MPRIP: variants seen among roughly 807,000 people sequenced by gnomAD.
MPRIP encodes the protein myosin phosphatase Rho interacting protein.
Under a neutral mutation model 234.9 loss-of-function variants are expected in MPRIP, and 59 were observed. The observed-to-expected ratio is 0.25, with a 90% confidence interval of 0.20 to 0.31. The LOEUF (loss-of-function observed/expected upper bound fraction) is 0.31, where lower values mean the gene tolerates loss of function less well. MPRIP is among the 10% of genes least tolerant of loss of function. The pLI is 1.00. For missense variants in MPRIP, 2,436 were observed against 3,071.0 expected, an observed-to-expected ratio of 0.79 and a Z score of 4.89; for synonymous variants, 1,144 against 1,263.9, an observed-to-expected ratio of 0.91 and a Z score of 2.01.
chr17:17,146,017 T>C lies in MPRIP; in HGVS notation c.1504-19T>C, dbSNP rs374708258. On this transcript the variant is annotated intron_variant, in intron 9 of 23. Coordinates refer to ENST00000651222, the MANE Select transcript of MPRIP (RefSeq NM_001364716.4). ...TAGAAGAGTTTCCTCTGAGCTGTTC[T>C]TTTTTCTCCCTTTCTCAGCCCGACC... 1 of 1,613,226 alleles carries C rather than the reference T, an allele frequency of 6.2e-7. No homozygotes were observed.
chr17:17,158,912 G>A lies in MPRIP; in HGVS notation c.2310G>A (p.Lys770=). The stretch of plus-strand genomic sequence containing the variant: ...AGACCACACCTCTCCGGGAAGAGAA[G>A]CAGGTGCCCATCGCCCCCGTCCACC... The part of the protein sequence containing the change: ...QVETTPLREE[K]QVPIAPVHLS... The change falls in exon 14 of 24, where the codon AAG becomes AAA. Residue 770 remains lysine, a synonymous_variant. Coordinates refer to ENST00000651222, the MANE Select transcript of MPRIP (RefSeq NM_001364716.4). The A allele has an allele frequency of 1.2e-6, 2 of 1,612,632 alleles. No homozygotes were observed. The highest frequency in any genetic ancestry group is 1.3e-5 in the African/African-American group (1 of 75,056).
chr17:17,073,297 G>A (rs1309705318), intron 1 of MPRIP, among the ~76,000 whole-genome samples: 1 of 152,166 alleles, frequency 6.6e-6, no homozygotes, highest in East Asian at 1.9e-4. Context: ...GGAAGTCACA[G>A]CCAAGCAAAG....
chr17:17,165,542 T>C lies in MPRIP; in HGVS notation c.3951T>C (p.Val1317=). The change falls in exon 16 of 24, where the codon GTT becomes GTC. Residue 1317 remains valine (V), a synonymous_variant. Transcript: ENST00000651222. ...TAKLDQGAPG[V]KRQRIRFSTI... is the part of the protein sequence containing the mutation. ...AACTCGACCAAGGGGCACCTGGTGT[T>C]AAAAGGCAAAGAATCCGGTTCTCCA... 1 of 1,304,484 alleles carries C rather than the reference T, an allele frequency of 7.7e-7. No individual in the cohort carries two copies. Among genetic ancestry groups the C allele is most frequent in the Non-Finnish European group, 1.0e-6 (1 of 989,016 alleles). The allele number at this position is 1,304,484 out of a possible 1,614,324, so 80.8% of individuals were successfully genotyped here.
chr17:17,160,150 C>T (rs1206382129), intron 14 of MPRIP, among the ~76,000 whole-genome samples: 2 of 152,166 alleles, frequency 1.3e-5, no homozygotes, highest in Non-Finnish European at 2.9e-5. Context: ...GGGCGGATCA[C>T]AAGGTCAAGA....
rs2046516175 is a variant in MPRIP at position 17,188,263 on chromosome 17, T to G, written c.*3369T>G. On this transcript the variant is annotated 3_prime_UTR_variant, in exon 24 of 24. Coordinates refer to ENST00000651222, the MANE Select transcript of MPRIP (RefSeq NM_001364716.4). ...GCTTCAGGGAGTCATAATGGGCCTGTGCTAAGTGGGTGATGCAGTGGACAT... is the reference window on the plus strand; with the variant it reads ...GCTTCAGGGAGTCATAATGGGCCTGGGCTAAGTGGGTGATGCAGTGGACAT... 6.6e-6 allele frequency: 1 copy of G among 152,376 alleles called. No homozygotes were observed. Among genetic ancestry groups the G allele is most frequent in the South Asian group, 2.1e-4 (1 of 4,832 alleles). The allele number at this position is 152,376 out of a possible 1,614,324, so 9.4% of individuals were successfully genotyped here. A position where few individuals can be genotyped will look rare whatever the true frequency, so the allele number is the denominator to read the frequency against.
intron 4 of MPRIP, among the ~76,000 whole-genome samples, chr17:17,128,946 T>G (rs552133221): frequency 5.8e-4 from 88 of 152,268 alleles, no homozygotes; most frequent in African/African-American, 1.6e-3. Flanking sequence ...CCATTCTGGG[T>G]CTGAGCTCTC....
At chr17:17,066,729 T>C (rs1281035767) in intron 1 of MPRIP, among the ~76,000 whole-genome samples, 1 of 20,040 alleles carries the variant, frequency 5.0e-5, no homozygotes, top group African/African-American at 5.6e-4. Flanking sequence ...TCATCTTTTT[T>C]TTTTTTTTTT....
intron 1 of MPRIP, among the ~76,000 whole-genome samples, chr17:17,075,361 C>T (rs777377138): frequency 6.6e-6 from 1 of 152,046 alleles, no homozygotes; most frequent in African/African-American, 2.4e-5. Context: ...TTTCCTGGCG[C>T]CTGGCACACA....
rs1276835875 is a variant in MPRIP, at chr17:17,146,179, G to A, written c.1560+87G>A. 5 of 1,225,968 alleles carry A rather than the reference G, an allele frequency of 4.1e-6. No homozygotes were observed. In the African/African-American group the frequency reaches 6.0e-5, roughly 15 times the overall value. The allele number at this position is 1,225,968 out of a possible 1,614,324, so 75.9% of individuals were successfully genotyped here. A position where few individuals can be genotyped will look rare whatever the true frequency, so the allele number is the denominator to read the frequency against. ...CCTTGTCCCCAGCCAGTCTGCAAGTGCTGGCTCCATGCCTTCCTCCTCCAT... is the reference window on the plus strand; with the variant it reads ...CCTTGTCCCCAGCCAGTCTGCAAGTACTGGCTCCATGCCTTCCTCCTCCAT... On this transcript the variant is annotated intron_variant, in intron 10 of 23. Coordinates refer to ENST00000651222, the MANE Select transcript of MPRIP (RefSeq NM_001364716.4).
Position 17,174,030 on chromosome 17 carries a change from G to A in MPRIP, c.6705G>A (p.Leu2235=), listed in dbSNP as rs753903356. The stretch of plus-strand genomic sequence containing the variant: ...CGCTGGAGGCCGAGCGGCAGGCCCT[G>A]CGGCAGTGCCAGCGTGAGAACCAGG... ...AQALEAERQA[L]RQCQRENQEL... Residue 2235 remains leucine (L), a synonymous_variant, in exon 19 of 24, where the codon CTG becomes CTA. Coordinates refer to ENST00000651222, the MANE Select transcript of MPRIP (RefSeq NM_001364716.4). 7 of 1,613,468 alleles carry A rather than the reference G, an allele frequency of 4.3e-6. No homozygotes were observed. Among genetic ancestry groups the A allele is most frequent in the Non-Finnish European group, 5.1e-6 (6 of 1,180,028 alleles).
intron 19 of MPRIP, 135 bp downstream of exon 19, chr17:17,174,210 G>T: frequency 8.9e-7 from 1 of 1,120,944 alleles, no homozygotes; most frequent in Non-Finnish European, 1.2e-6. Flanking sequence ...CTGAACCACA[G>T]AGTGGTTACC....
chr17:17,173,010 G>A (rs145787344), intron 18 of MPRIP, among the ~76,000 whole-genome samples, 195 bp downstream of exon 18: 1 of 152,382 alleles, frequency 6.6e-6, no homozygotes, highest in African/African-American at 2.4e-5. Context: ...TTTATTCAGA[G>A]AGACTGTTCC....
intron 3 of MPRIP, among the ~76,000 whole-genome samples, chr17:17,101,708 A>C (rs1007109800): frequency 6.6e-6 from 1 of 152,218 alleles, no homozygotes; most frequent in Admixed American, 6.5e-5. Flanking sequence ...CTGCCTGGGG[A>C]ATTGTTTCCT....
At chr17:17,137,141 C>T (rs934474142) in intron 6 of MPRIP, among the ~76,000 whole-genome samples, 1 of 152,152 alleles carries the variant, frequency 6.6e-6, no homozygotes, top group Non-Finnish European at 1.5e-5. Context: ...TCCTCTCAGG[C>T]CTATCCATTC....
chr17:17,081,166 C>T (rs1039317109), intron 3 of MPRIP, among the ~76,000 whole-genome samples: 2 of 152,194 alleles, frequency 1.3e-5, no homozygotes, highest in South Asian at 2.1e-4. Context: ...GCATCTATTT[C>T]GAATTGTTAC....
intron 16 of MPRIP, 26 bp from the exon 17 acceptor site, chr17:17,171,692 G>A (rs552010468): frequency 6.2e-6 from 10 of 1,602,092 alleles, no homozygotes; most frequent in African/African-American, 5.4e-5. Context: ...GAAAGAAGTC[G>A]ATGAAGTCCC....
chr17:17,046,192 C>T (rs1170145577), intron 1 of MPRIP, among the ~76,000 whole-genome samples: 3 of 152,222 alleles, frequency 2.0e-5, no homozygotes, highest in Admixed American at 1.3e-4. Context: ...ATCAGCATAT[C>T]TTTACGTTCT....
At chr17:17,129,270 C>T (rs1429978028) in intron 4 of MPRIP, among the ~76,000 whole-genome samples, 1 of 152,120 alleles carries the variant, frequency 6.6e-6, no homozygotes, top group Non-Finnish European at 1.5e-5. Context: ...TTCTCCCTGC[C>T]CTGCCTTTTA....
In MPRIP at chr17:17,075,751, T is replaced by TG. The variant is rs1299886716; in HGVS notation, c.168dup (p.Thr57AspfsTer4). 6.2e-7 allele frequency: 1 copy of TG among 1,614,024 alleles called. No homozygotes were observed. Among genetic ancestry groups the TG allele is most frequent in the Non-Finnish European group, 8.5e-7 (1 of 1,180,034 alleles). ...GCGGTTGGCTGCTCCTGGCTCCAGA[T>TG]GGGACCGACTTTGACAACCCAGTGC... On this transcript the variant is annotated frameshift_variant, in exon 2 of 24. Transcript: ENST00000651222. LOFTEE classifies it high-confidence loss of function.
Sources: gnomAD v4.1 joint callset for allele counts (sites outside exome capture counted in the v4.1 genomes callset) on GRCh38, gnomAD v4.1.1 for gene constraint, MANE v1.5 for transcripts, NCBI Gene and HGNC (gene_info 2026-07-23, HGNC 2026-07-21) for gene names.